The following LPIN1 variants were observed in gnomAD, a reference collection of about 807,000 sequenced individuals.
The protein encoded by LPIN1 is lipin 1, also known as phosphatidate phosphatase LPIN1.
LPIN1 carries 71 observed loss-of-function variants against 107.5 expected under a neutral mutation model. That is an observed-to-expected ratio of 0.66 (90% CI 0.55 to 0.80). The LOEUF (loss-of-function observed/expected upper bound fraction) is 0.80. LPIN1 is among the 30% of genes least tolerant of loss of function. The pLI is 0.00. For missense variants in LPIN1, 1,043 were observed against 1,160.6 expected (o/e 0.90, Z 1.47); for synonymous variants, 445 against 452.6 (o/e 0.98, Z 0.21).
rs1423555550 is a variant in LPIN1 at position 11,802,987 on chromosome 2, C to G, written c.1967C>G (p.Pro656Arg). 6.2e-7 allele frequency: 1 copy of G among 1,613,010 alleles called. No homozygotes were observed. Among genetic ancestry groups the G allele is most frequent in the Non-Finnish European group, 8.5e-7 (1 of 1,180,026 alleles). ...PSNAGHLPLL[P>R]NVSYKKTLRL... ...AACGCAGGCCACCTCCCTCTTCTGC[C>G]TAATGTCAGCTACAAGAAGACTCTC... The change falls in exon 15 of 21, where the codon CCT becomes CGT. Residue 656 changes from proline (P) to arginine (R), a missense_variant. Transcript: ENST00000674199.
chr2:11,797,629 C>G (rs937357927), intron 14 of LPIN1, among the ~76,000 whole-genome samples: 17 of 152,124 alleles, frequency 1.1e-4, no homozygotes, highest in African/African-American at 4.1e-4. Context: ...GTAGCCCCTT[C>G]GTTTTGGCCA....
At chr2:11,801,351 A>T (rs1185100546) in intron 14 of LPIN1, among the ~76,000 whole-genome samples, 1 of 152,202 alleles carries the variant, frequency 6.6e-6, no homozygotes, top group Non-Finnish European at 1.5e-5. Context: ...TATGGAACCA[A>T]CCTAAGTGTC....
upstream of LPIN1, among the ~76,000 whole-genome samples, chr2:11,721,101 A>C (rs1463802624): frequency 6.6e-6 from 1 of 152,070 alleles, no homozygotes; most frequent in Non-Finnish European, 1.5e-5. Context: ...CCACGTCCCC[A>C]GGGGAGGGAG....
At chr2:11,814,756 T>G (rs1461792881) in intron 17 of LPIN1, among the ~76,000 whole-genome samples, 1 of 151,594 alleles carries the variant, frequency 6.6e-6, no homozygotes, top group Non-Finnish European at 1.5e-5. Flanking sequence ...CCAGGGGGAG[T>G]ACAAGGGGCT....
At position 11,703,693 on chromosome 2, in the gene LPIN1, A is replaced by G. The variant is rs192680491; in HGVS notation, c.82-10063A>G. On this transcript the variant is annotated intron_variant, in intron 1 of 21. Transcript: ENST00000449576. ...ACTAGTCTGTCCTCATCATGATACA[A>G]ATACATAGATGCAGTTACACACAGA... Among the ~76,000 whole-genome samples the G allele has an allele frequency of 5.0e-3, 763 of 151,906 alleles. 7 individuals carry two copies. The highest frequency in any genetic ancestry group is 0.017 in the African/African-American group (717 of 41,166).
chr2:11,688,084 T>C (rs11676175), intron 1 of LPIN1, among the ~76,000 whole-genome samples: 11,141 of 152,176 alleles, frequency 0.073, 541 homozygotes, highest in Middle Eastern at 0.15. Context: ...GCCCAGGGAG[T>C]TGAGCCTCTC....
At position 11,824,634 on chromosome 2, in the gene LPIN1, A is replaced by T. The variant is rs529914328; in HGVS notation, c.2624A>T (p.Tyr875Phe). The T allele has an allele frequency of 8.7e-6, 14 of 1,613,978 alleles. No homozygotes were observed. The South Asian group carries it at 1.2e-4, about 14-fold the overall frequency. The change falls in exon 21 of 21, where the codon TAT (tyrosine) becomes TTT (phenylalanine). Residue 875 changes from tyrosine (Y) to phenylalanine (F), a missense_variant and splice_region_variant. Physicochemically the swap from Tyr to Phe is conservative, Grantham distance 22 (BLOSUM62 3). Coordinates refer to ENST00000674199, the MANE Select transcript of LPIN1 (RefSeq NM_001349206.2). ...QEHAKTNISS[Y>F]VRLCEVVDHV... ...TGACAATGTCCCTTTCCTTCCAGGT[A>T]TGTGAGACTCTGTGAAGTAGTCGAC...
At chr2:11,739,097 T>G (rs991965934) in intron 1 of LPIN1, among the ~76,000 whole-genome samples, 11 of 152,388 alleles carry the variant, frequency 7.2e-5, no homozygotes, top group Admixed American at 5.2e-4. Context: ...TTTGTGACTT[T>G]AGAGACTAGG....
intron 2 of LPIN1, among the ~76,000 whole-genome samples, chr2:11,719,270 GC>G (rs1235626867): frequency 6.6e-6 from 1 of 152,092 alleles, no homozygotes; most frequent in Non-Finnish European, 1.5e-5. Context: ...CAAATGCCTG[GC>G]ACTTTGTGGT....
At chr2:11,759,657 G>A (rs1669332537) in intron 1 of LPIN1, among the ~76,000 whole-genome samples, 1 of 150,482 alleles carries the variant, frequency 6.6e-6, no homozygotes, top group South Asian at 2.1e-4. Flanking sequence ...CGACAAAACC[G>A]CCATTGTCAT....
At chr2:11,722,735 T>A (rs1176090885), upstream of LPIN1, among the ~76,000 whole-genome samples, 1 of 152,186 alleles carries the variant, frequency 6.6e-6, no homozygotes, top group Admixed American at 6.5e-5. Flanking sequence ...CTTTTGAGGA[T>A]GAGAATCATG....
chr2:11,716,751 G>A (rs1018952443), intron 2 of LPIN1, among the ~76,000 whole-genome samples: 4 of 152,130 alleles, frequency 2.6e-5, no homozygotes, highest in African/African-American at 9.7e-5. Context: ...GAATCTAGCT[G>A]TGAAATACAG....
rs755348318 is a variant in LPIN1, at chr2:11,771,950, A to T, written c.596+271A>T. 5.9e-5 allele frequency among the ~76,000 whole-genome samples: 9 copies of T among 152,324 alleles called. No homozygotes were observed. The highest frequency in any genetic ancestry group is 1.3e-4 in the Non-Finnish European group (9 of 68,030). ...CATTGTAATATATAATGAAATACTT[A>T]TACAACTCGCCATCATGTAGAATCA... On this transcript the variant is annotated intron_variant, in intron 4 of 20. Coordinates refer to ENST00000674199, the MANE Select transcript of LPIN1 (RefSeq NM_001349206.2). This position sits in a 1 kb window ranked among gnomAD's most constrained non-coding sequence, Gnocchi z 4.8.
chr2:11,815,313 G>T (rs1680387996), intron 18 of LPIN1, 73 bp downstream of exon 18: 1 of 1,557,120 alleles, frequency 6.4e-7, no homozygotes, highest in African/African-American at 1.4e-5. Flanking sequence ...TGCAAGTTTT[G>T]TAAGAATAGC....
intron 1 of LPIN1, among the ~76,000 whole-genome samples, chr2:11,759,629 A>G (rs866328821): frequency 2.0e-5 from 3 of 151,732 alleles, no homozygotes; most frequent in Admixed American, 2.0e-4. Flanking sequence ...TTTTCCCCAC[A>G]TTTCCCCCTT....
chr2:11,785,387 C>A, intron 10 of LPIN1, among the ~76,000 whole-genome samples: 1 of 152,080 alleles, frequency 6.6e-6, no homozygotes, highest in East Asian at 1.9e-4. Context: ...TAGAGGGTGT[C>A]GGCAGCGAGA....
intron 1 of LPIN1, among the ~76,000 whole-genome samples, chr2:11,688,373 T>C (rs1662111222): frequency 6.6e-6 from 1 of 152,344 alleles, no homozygotes; most frequent in Middle Eastern, 3.4e-3. Flanking sequence ...GCTACCACTC[T>C]GGAGTTGCAG....
At chr2:11,688,839 G>C (rs1295354878) in intron 1 of LPIN1, among the ~76,000 whole-genome samples, 1 of 152,226 alleles carries the variant, frequency 6.6e-6, no homozygotes, top group Non-Finnish European at 1.5e-5. Context: ...TTCTTCACCT[G>C]ATTTGACCCA....
At chr2:11,809,787 A>G (rs1017772713) in intron 17 of LPIN1, among the ~76,000 whole-genome samples, 7 of 152,172 alleles carry the variant, frequency 4.6e-5, no homozygotes, top group African/African-American at 1.7e-4. Context: ...TATTGCAGTC[A>G]TTGCCCTCTG....
Sources: allele counts gnomAD v4.1 joint callset (sites outside exome capture counted in the v4.1 genomes callset), GRCh38; gene constraint gnomAD v4.1.1; non-coding constraint Gnocchi (gnomAD v3.1); transcripts MANE v1.5; gene names NCBI Gene and HGNC (gene_info 2026-07-23, HGNC 2026-07-21).